Variants in SORCS3 observed in about 807,000 individuals in gnomAD.
The protein encoded by SORCS3 is VPS10 domain-containing receptor SorCS3.
SORCS3 carries 57 observed loss-of-function variants against 146.3 expected under a neutral mutation model. The ratio of observed to expected loss-of-function variants is 0.39; its 90% CI spans 0.31 to 0.49. SORCS3 has a LOEUF of 0.49. SORCS3 is among the 20% of genes least tolerant of loss of function. The pLI is 0.92. For missense variants in SORCS3, 1,341 were observed against 1,575.5 expected, an observed-to-expected ratio of 0.85 and a Z score of 2.52; for synonymous variants, 653 against 618.5, an observed-to-expected ratio of 1.06 and a Z score of -0.83.
At chr10:105,171,905 T>C (rs1253738545) in intron 13 of SORCS3, among the ~76,000 whole-genome samples, 1 of 152,192 alleles carries the variant, frequency 6.6e-6, no homozygotes, top group Admixed American at 6.5e-5. Flanking sequence ...TTTAAACTAG[T>C]ATTATACCTG....
At chr10:105,214,087 C>T (rs1564786472) in intron 17 of SORCS3, among the ~76,000 whole-genome samples, 2 of 152,138 alleles carry the variant, frequency 1.3e-5, no homozygotes, top group Non-Finnish European at 2.9e-5. Flanking sequence ...GTAGAAGCAC[C>T]TGCTTTTCCC....
At chr10:104,725,992 C>G (rs2016626708) in intron 1 of SORCS3, among the ~76,000 whole-genome samples, 2 of 152,224 alleles carry the variant, frequency 1.3e-5, no homozygotes, top group Admixed American at 1.3e-4. Flanking sequence ...CCTGTACCCA[C>G]TGTCCGACAC....
intron 4 of SORCS3, among the ~76,000 whole-genome samples, chr10:105,027,949 C>A (rs1390342201): frequency 6.6e-6 from 1 of 152,134 alleles, no homozygotes; most frequent in East Asian, 1.9e-4. Flanking sequence ...ACAGAAAACA[C>A]CTAAAACAAT....
At chr10:104,884,032 A>G (rs1327941989) in intron 2 of SORCS3, among the ~76,000 whole-genome samples, 1 of 152,130 alleles carries the variant, frequency 6.6e-6, no homozygotes, top group Admixed American at 6.6e-5. Flanking sequence ...CAGATGGTAC[A>G]GCCACCTGTA....
At chr10:104,744,731 C>T (rs142885719) in intron 1 of SORCS3, among the ~76,000 whole-genome samples, 3 of 152,306 alleles carry the variant, frequency 2.0e-5, no homozygotes, top group East Asian at 1.9e-4. Flanking sequence ...GAATGTGTCA[C>T]GAACACTAAG....
chr10:104,874,351 C>G (rs2018549068), intron 2 of SORCS3, among the ~76,000 whole-genome samples: 1 of 152,128 alleles, frequency 6.6e-6, no homozygotes, highest in East Asian at 1.9e-4. Flanking sequence ...TTGTCTCTAG[C>G]ACACATTGTC....
At chr10:104,827,430 A>G (rs2017949360) in intron 1 of SORCS3, among the ~76,000 whole-genome samples, 1 of 152,198 alleles carries the variant, frequency 6.6e-6, no homozygotes, top group Non-Finnish European at 1.5e-5. Context: ...TTGGGAGACC[A>G]GGTGCATTGT....
At chr10:104,720,056 A>G (rs1214173467) in intron 1 of SORCS3, among the ~76,000 whole-genome samples, 3 of 151,738 alleles carry the variant, frequency 2.0e-5, no homozygotes, top group Admixed American at 2.0e-4. Flanking sequence ...TACATGTGCC[A>G]TGTTGGTGTG....
intron 2 of SORCS3, among the ~76,000 whole-genome samples, chr10:104,866,085 T>C (rs1315079835): frequency 6.6e-6 from 1 of 152,128 alleles, no homozygotes; most frequent in Non-Finnish European, 1.5e-5. Context: ...GAAAAAGGTC[T>C]GAGAGAGAGA....
At chr10:105,248,392 T>C (rs1322210149) in intron 22 of SORCS3, among the ~76,000 whole-genome samples, 1 of 152,144 alleles carries the variant, frequency 6.6e-6, no homozygotes, top group African/African-American at 2.4e-5. Flanking sequence ...CAAGGATAAA[T>C]GTCAGTTAAC....
intron 24 of SORCS3, among the ~76,000 whole-genome samples, chr10:105,256,544 C>T (rs2056932449): frequency 1.3e-5 from 2 of 152,232 alleles, no homozygotes; most frequent in African/African-American, 2.4e-5. Flanking sequence ...TTATTCCACT[C>T]CCCTGAGCTG....
intron 1 of SORCS3, among the ~76,000 whole-genome samples, chr10:104,697,428 C>T (rs1477635587): frequency 6.6e-6 from 1 of 152,166 alleles, no homozygotes; most frequent in Admixed American, 6.5e-5. Flanking sequence ...GAGAGATTGG[C>T]TATCATGTAG....
intron 7 of SORCS3, among the ~76,000 whole-genome samples, chr10:105,115,924 C>G (rs1029018175): frequency 3.3e-5 from 5 of 152,042 alleles, no homozygotes; most frequent in Non-Finnish European, 7.4e-5. Flanking sequence ...GAGTTTAAAG[C>G]AAAATGAAAG....
chr10:104,658,791 A>G (rs968428859), intron 1 of SORCS3, among the ~76,000 whole-genome samples: 11 of 152,142 alleles, frequency 7.2e-5, no homozygotes, highest in Non-Finnish European at 1.0e-4. Context: ...TCATGCTGCA[A>G]TAGGACTCTG....
chr10:105,187,712 C>T (rs1455863860), intron 14 of SORCS3, among the ~76,000 whole-genome samples: 1 of 152,178 alleles, frequency 6.6e-6, no homozygotes, highest in East Asian at 1.9e-4. Context: ...CGGGAGTCCA[C>T]ATGAATCAAG....
chr10:104,696,799 C>T (rs1415274888), intron 1 of SORCS3, among the ~76,000 whole-genome samples: 8 of 133,130 alleles, frequency 6.0e-5, no homozygotes, highest in Non-Finnish European at 1.2e-4. Context: ...TATTATTCAG[C>T]CATAAAATGG....
intron 4 of SORCS3, among the ~76,000 whole-genome samples, chr10:105,002,658 C>T (rs2133674057): frequency 6.6e-6 from 1 of 152,356 alleles, no homozygotes; most frequent in South Asian, 2.1e-4. Flanking sequence ...TGGTTACCTA[C>T]CCTCTTGGGT....
chr10:104,770,258 G>C (rs1389819610), intron 1 of SORCS3, among the ~76,000 whole-genome samples: 1 of 152,152 alleles, frequency 6.6e-6, no homozygotes, highest in Non-Finnish European at 1.5e-5. Context: ...AAGTGCAGGA[G>C]CTGAATAAAG....
intron 20 of SORCS3, among the ~76,000 whole-genome samples, chr10:105,242,585 T>TTTATATATATTTATATATTTATATAC (rs1564793640): frequency 1.0e-5 from 1 of 97,948 alleles, no homozygotes; most frequent in African/African-American, 4.6e-5. Context: ...TATTTATATA[T>TTTATATATATTTATATATTTATATAC]ATTTATATAT....
Sources: gnomAD v4.1 joint callset for allele counts (sites outside exome capture counted in the v4.1 genomes callset) on GRCh38, gnomAD v4.1.1 for gene constraint, MANE v1.5 for transcripts, NCBI Gene and HGNC (gene_info 2026-07-23, HGNC 2026-07-21) for gene names.